The following CLTB variants were observed in gnomAD, a reference collection of about 807,000 sequenced individuals.
The protein encoded by CLTB is clathrin light chain B.
In CLTB, 10 loss-of-function variants were observed where a neutral mutation model predicts 30.5. The observed-to-expected ratio is 0.33, with a 90% confidence interval of 0.20 to 0.56. CLTB has a LOEUF of 0.56. Ranked by LOEUF, CLTB falls within the 20% of genes least tolerant of loss-of-function variation. The probability of loss-of-function intolerance (pLI) is 0.91; values close to 1 mark genes in which losing one functional copy is unlikely to be tolerated. For synonymous variants in CLTB, 102 were observed against 120.3 expected (o/e 0.85, Z 1.00); for missense variants, 261 against 308.3 (o/e 0.85, Z 1.15).
At position 176,415,144 on chromosome 5, in the gene CLTB, T is replaced by G. The variant is rs189451233; in HGVS notation, c.187+1033A>C. On this transcript the variant is annotated intron_variant, in intron 1 of 5. Transcript: ENST00000310418. ...AGCCAGAACCAGGGCAGAAACATCATTGATAAAGATGATTTCACAGGGACT... is the reference window on the plus strand; with the variant it reads ...AGCCAGAACCAGGGCAGAAACATCAGTGATAAAGATGATTTCACAGGGACT... Among the ~76,000 whole-genome samples, 50 of 152,278 alleles carry G rather than the reference T, an allele frequency of 3.3e-4. 1 individual carries two copies. The highest frequency in any genetic ancestry group is 2.6e-3 in the Admixed American group (40 of 15,300).
intron 2 of CLTB, among the ~76,000 whole-genome samples, chr5:176,400,974 C>T (rs1271067689): frequency 6.6e-6 from 1 of 152,128 alleles, no homozygotes; most frequent in Non-Finnish European, 1.5e-5. Context: ...AAGGGCAGGC[C>T]AGGGCAGGCC....
At chr5:176,394,684 G>A (rs577423163) in intron 5 of CLTB, among the ~76,000 whole-genome samples, 39 of 152,144 alleles carry the variant, frequency 2.6e-4, no homozygotes, top group Admixed American at 4.6e-4. Flanking sequence ...GCATGGTGGC[G>A]GGCACCTGTA....
intron 2 of CLTB, among the ~76,000 whole-genome samples, chr5:176,399,647 ACT>A (rs1418088952): frequency 6.6e-6 from 1 of 152,160 alleles, no homozygotes; most frequent in African/African-American, 2.4e-5. Context: ...TAATTCCAGC[ACT>A]TTGGGAGGCC....
chr5:176,407,882 T>C (rs1293848208), intron 2 of CLTB, among the ~76,000 whole-genome samples: 20 of 152,164 alleles, frequency 1.3e-4, no homozygotes, highest in Non-Finnish European at 4.4e-5. Flanking sequence ...TCTCCCTGCA[T>C]AAGGTACCAG....
chr5:176,406,495 C>A, intron 2 of CLTB: 1 of 1,214,400 alleles, frequency 8.2e-7, no homozygotes, highest in Non-Finnish European at 1.1e-6. Context: ...CTAAGCTGAG[C>A]TGCTGATTCC....
intron 1 of CLTB, among the ~76,000 whole-genome samples, chr5:176,410,661 T>A (rs1757379916): frequency 6.6e-6 from 1 of 151,790 alleles, no homozygotes. Flanking sequence ...TGGCTGGGAA[T>A]GGCCAGATTA....
At chr5:176,406,696 G>C in intron 2 of CLTB, 2 of 1,287,802 alleles carry the variant, frequency 1.6e-6, no homozygotes, top group South Asian at 2.5e-5. Context: ...TGGACCCGCT[G>C]GTGGTGCACG....
chr5:176,409,293 GAA>G (rs34356476), intron 2 of CLTB, among the ~76,000 whole-genome samples: 28,124 of 102,904 alleles, frequency 0.27, 2,716 homozygotes, highest in South Asian at 0.34. Context: ...TTTTAAAATT[GAA>G]AAAAAAAAAA....
intron 2 of CLTB, among the ~76,000 whole-genome samples, chr5:176,409,050 C>A: frequency 6.6e-6 from 1 of 152,244 alleles, no homozygotes; most frequent in East Asian, 1.9e-4. Flanking sequence ...GATCTCGGCT[C>A]ACCGCAACCT....
intron 2 of CLTB, among the ~76,000 whole-genome samples, chr5:176,409,406 CTTTT>C (rs34831947): frequency 8.4e-4 from 67 of 79,658 alleles, no homozygotes; most frequent in African/African-American, 3.7e-3. Flanking sequence ...TCTGATTGCC[CTTTT>C]TTTTTTTTTT....
chr5:176,402,638 G>T (rs548897886), intron 2 of CLTB, among the ~76,000 whole-genome samples: 16 of 152,362 alleles, frequency 1.1e-4, no homozygotes, highest in South Asian at 8.3e-4. Context: ...CCAGCACCGG[G>T]AGGGCCTGGC....
chr5:176,400,335 T>C (rs556997104), intron 2 of CLTB, among the ~76,000 whole-genome samples: 1 of 152,216 alleles, frequency 6.6e-6, no homozygotes, highest in South Asian at 2.1e-4. Context: ...GCTCAGTGAA[T>C]AGTAGCTAGA....
At chr5:176,396,597 G>T in intron 4 of CLTB, 65 bp from the exon 5 acceptor site, 2 of 1,166,382 alleles carry the variant, frequency 1.7e-6, no homozygotes, top group Non-Finnish European at 2.6e-6. Flanking sequence ...AGACAGGCAG[G>T]CAGAAGGTTA....
In CLTB at chr5:176,398,961, GCCT is replaced by G. The variant is rs1415843568; in HGVS notation, c.235-917_235-915del. ...AGGTTCAAGCGATTTTCCTACCTCA[GCCT>G]CCTGAGTAGCTGGGATTACAGGCAC... On this transcript the variant is annotated intron_variant, in intron 2 of 5. Coordinates refer to ENST00000310418, the MANE Select transcript of CLTB (RefSeq NM_007097.5). Among the ~76,000 whole-genome samples the G allele has an allele frequency of 2.0e-5, 3 of 151,878 alleles. No homozygotes were observed. The East Asian group carries it at 5.9e-4, about 30-fold the overall frequency.
At chr5:176,415,627 T>C (rs1757654821) in intron 1 of CLTB, among the ~76,000 whole-genome samples, 1 of 152,266 alleles carries the variant, frequency 6.6e-6, no homozygotes, top group Admixed American at 6.5e-5. Flanking sequence ...GCCTCAGTTT[T>C]ACCATCTCTG....
chr5:176,398,233 T>G (rs531482456), intron 2 of CLTB, among the ~76,000 whole-genome samples, 186 bp from the exon 3 acceptor site: 1 of 152,308 alleles, frequency 6.6e-6, no homozygotes, highest in South Asian at 2.1e-4. Flanking sequence ...CCGCCACCTG[T>G]GTGACTGCGG....
intron 2 of CLTB, among the ~76,000 whole-genome samples, chr5:176,400,497 C>T (rs1756764472): frequency 6.6e-6 from 1 of 152,170 alleles, no homozygotes; most frequent in African/African-American, 2.4e-5. Flanking sequence ...CTTGCCAGAG[C>T]TGGGGACCCA....
intron 2 of CLTB, among the ~76,000 whole-genome samples, chr5:176,404,932 G>A (rs1421994276): frequency 2.0e-5 from 3 of 152,152 alleles, no homozygotes; most frequent in Non-Finnish European, 4.4e-5. Context: ...AGGCTCTGGC[G>A]CCTGATCCTG....
At chr5:176,402,040 C>A (rs1225830958) in intron 2 of CLTB, among the ~76,000 whole-genome samples, 2 of 152,182 alleles carry the variant, frequency 1.3e-5, no homozygotes, top group Non-Finnish European at 2.9e-5. Context: ...CGGTGGCTCG[C>A]GCCTATAATC....
Sources: allele counts gnomAD v4.1 joint callset (sites outside exome capture counted in the v4.1 genomes callset), GRCh38; gene constraint gnomAD v4.1.1; transcripts MANE v1.5; gene names NCBI Gene and HGNC (gene_info 2026-07-23, HGNC 2026-07-21).